Variants in MYT1L observed in about 807,000 individuals in gnomAD.
MYT1L encodes the protein myelin transcription factor 1-like protein.
In MYT1L, 12 loss-of-function variants were observed where a neutral mutation model predicts 126.7. That is an observed-to-expected ratio of 0.09 (90% CI 0.06 to 0.15). MYT1L has a LOEUF of 0.15. Among genes scored for constraint, MYT1L ranks in the 10% least tolerant of loss-of-function variants. MYT1L has a pLI of 1.00. For missense variants in MYT1L, 979 were observed against 1,585.2 expected, an observed-to-expected ratio of 0.62 and a Z score of 6.49; for synonymous variants, 541 against 604.2, an observed-to-expected ratio of 0.90 and a Z score of 1.53.
intron 9 of MYT1L, among the ~76,000 whole-genome samples, chr2:1,942,688 T>C (rs2056788691): frequency 6.6e-6 from 1 of 152,196 alleles, no homozygotes; most frequent in African/African-American, 2.4e-5. Flanking sequence ...CTAACTTAAC[T>C]TCCTTGATAC....
intron 23 of MYT1L, among the ~76,000 whole-genome samples, chr2:1,796,770 G>A (rs1469115757): frequency 6.6e-6 from 1 of 152,046 alleles, no homozygotes; most frequent in Non-Finnish European, 1.5e-5. Flanking sequence ...CACCTCCCGT[G>A]TCTGCAGGAC....
chr2:2,296,135 C>T (rs2095690118), intron 1 of MYT1L, among the ~76,000 whole-genome samples: 1 of 152,178 alleles, frequency 6.6e-6, no homozygotes, highest in Non-Finnish European at 1.5e-5. Flanking sequence ...AAGCCAGAGC[C>T]AGTCAAAAGG....
At chr2:2,178,981 G>C (rs1312342951) in intron 2 of MYT1L, among the ~76,000 whole-genome samples, 1 of 152,142 alleles carries the variant, frequency 6.6e-6, no homozygotes, top group Non-Finnish European at 1.5e-5. Context: ...ACGTTTCCAT[G>C]GGGCTTAGAA....
At chr2:1,904,987 G>A (rs1411623145) in intron 13 of MYT1L, among the ~76,000 whole-genome samples, 42 of 151,176 alleles carry the variant, frequency 2.8e-4, no homozygotes, top group African/African-American at 7.3e-5. Context: ...TAGTAGAGAC[G>A]GGGTTTCACC....
chr2:1,860,871 G>A (rs924042161), intron 18 of MYT1L, among the ~76,000 whole-genome samples: 2 of 151,968 alleles, frequency 1.3e-5, no homozygotes, highest in Non-Finnish European at 2.9e-5. Flanking sequence ...CTACTGCCTC[G>A]ACAGCACCAA....
chr2:2,150,850 A>G (rs1460590269), intron 3 of MYT1L, among the ~76,000 whole-genome samples: 2 of 142,706 alleles, frequency 1.4e-5, no homozygotes, highest in Non-Finnish European at 3.1e-5. Context: ...AGGGAAAAGA[A>G]GGGAAGGGAA....
At chr2:2,154,592 C>A (rs868584840) in intron 3 of MYT1L, among the ~76,000 whole-genome samples, 1 of 152,156 alleles carries the variant, frequency 6.6e-6, no homozygotes. Flanking sequence ...AAACCAAATA[C>A]CGCATGTTCT....
chr2:1,931,792 G>A (rs180905037), intron 9 of MYT1L, among the ~76,000 whole-genome samples: 4 of 152,092 alleles, frequency 2.6e-5, no homozygotes, highest in Non-Finnish European at 4.4e-5. Flanking sequence ...CCTTTGCATC[G>A]GCTGCTGTCT....
chr2:2,235,950 T>C (rs1442619159), intron 2 of MYT1L, among the ~76,000 whole-genome samples: 1 of 152,210 alleles, frequency 6.6e-6, no homozygotes, highest in Non-Finnish European at 1.5e-5. Flanking sequence ...TTCATTTGCA[T>C]TGCATCTGAA....
intron 19 of MYT1L, among the ~76,000 whole-genome samples, chr2:1,849,091 A>G (rs539864724): frequency 1.3e-4 from 20 of 152,190 alleles, no homozygotes; most frequent in African/African-American, 4.6e-4. Context: ...TCTAAGATAT[A>G]TGTAAAATGA....
At position 1,864,684 on chromosome 2, in the gene MYT1L, C is replaced by G. The variant is rs2045225670; in HGVS notation, c.2712-12981G>C. 1.3e-5 allele frequency among the ~76,000 whole-genome samples: 2 copies of G among 152,220 alleles called. 1 individual carries two copies. Among genetic ancestry groups the G allele is most frequent in the South Asian group, 4.1e-4 (2 of 4,834 alleles). On this transcript the variant is annotated intron_variant, in intron 18 of 24. Coordinates refer to ENST00000647738, the MANE Select transcript of MYT1L (RefSeq NM_001303052.2). The stretch of plus-strand genomic sequence containing the variant: ...GATGGGAGGCACGGGTGCCCCTCCA[C>G]ACATGAAGCTCCCCTCCACAACATC...
At chr2:1,832,052 G>T (rs2040268625) in intron 21 of MYT1L, among the ~76,000 whole-genome samples, 1 of 152,164 alleles carries the variant, frequency 6.6e-6, no homozygotes, top group Non-Finnish European at 1.5e-5. Flanking sequence ...CACTTTTATG[G>T]TGTGAGTATT....
At chr2:1,800,296 C>T (rs969647786) in intron 23 of MYT1L, 9 of 152,444 alleles carry the variant, frequency 5.9e-5, no homozygotes, top group African/African-American at 1.9e-4. Context: ...CCAAGCCTAA[C>T]GTTCAGGTAA....
intron 2 of MYT1L, among the ~76,000 whole-genome samples, chr2:2,209,335 T>G (rs1478571134): frequency 1.3e-5 from 2 of 152,186 alleles, no homozygotes; most frequent in Non-Finnish European, 2.9e-5. Context: ...TATCAAATAC[T>G]AAGTCTTATT....
At position 2,148,666 on chromosome 2, in the gene MYT1L, T is replaced by C. The variant is rs145549851; in HGVS notation, c.-304+24206A>G. On this transcript the variant is annotated intron_variant, in intron 3 of 24. Transcript: ENST00000647738. ...CCAGGGCATGGCGTTCCTGTCTGTA[T>C]TCTTCAGAGCACGAGGTATGAACAG... 2.4e-3 allele frequency among the ~76,000 whole-genome samples: 372 copies of C among 152,328 alleles called. 9 individuals are homozygous for C. Among genetic ancestry groups the C allele is most frequent in the East Asian group, 0.014 (73 of 5,188 alleles).
chr2:2,037,503 C>G (rs1487529305), intron 4 of MYT1L, among the ~76,000 whole-genome samples: 4 of 150,894 alleles, frequency 2.7e-5, no homozygotes, highest in Non-Finnish European at 1.5e-5. Context: ...TGCCTGTAAT[C>G]CCAGCACCTT....
At chr2:2,156,725 T>C (rs2086787646) in intron 3 of MYT1L, among the ~76,000 whole-genome samples, 1 of 152,190 alleles carries the variant, frequency 6.6e-6, no homozygotes, top group African/African-American at 2.4e-5. Flanking sequence ...GACTACACTA[T>C]TGGGGCAATG....
chr2:1,881,528 GA>G (rs915916385), intron 18 of MYT1L, among the ~76,000 whole-genome samples: 9 of 152,088 alleles, frequency 5.9e-5, no homozygotes, highest in Admixed American at 2.6e-4. Context: ...TATTTTGTAG[GA>G]TTTTTTTTGT....
At chr2:2,270,258 G>A (rs1266469591) in intron 2 of MYT1L, among the ~76,000 whole-genome samples, 1 of 152,226 alleles carries the variant, frequency 6.6e-6, no homozygotes, top group Non-Finnish European at 1.5e-5. Context: ...ATTGATGCCT[G>A]TTGTTTAAGC....
Sources: allele counts gnomAD v4.1 joint callset (sites outside exome capture counted in the v4.1 genomes callset), GRCh38; gene constraint gnomAD v4.1.1; transcripts MANE v1.5; gene names NCBI Gene and HGNC (gene_info 2026-07-23, HGNC 2026-07-21).